TNS1: variants seen among roughly 807,000 people sequenced by gnomAD.
The protein encoded by TNS1 is tensin 1, also known as tensin-1.
TNS1 carries 62 observed loss-of-function variants against 168.6 expected under a neutral mutation model. The observed-to-expected ratio is 0.37, with a 90% confidence interval of 0.30 to 0.45. The LOEUF is 0.45. TNS1 is among the 20% of genes least tolerant of loss of function. The pLI is 1.00. For synonymous variants in TNS1, 934 were observed against 933.2 expected, an observed-to-expected ratio of 1.00 and a Z score of -0.02; for missense variants, 2,240 against 2,339.4, an observed-to-expected ratio of 0.96 and a Z score of 0.88.
At chr2:217,999,009 G>A (rs551537432) in intron 1 of TNS1, among the ~76,000 whole-genome samples, 2 of 152,170 alleles carry the variant, frequency 1.3e-5, no homozygotes, top group Non-Finnish European at 2.9e-5. Flanking sequence ...GGAAAGCTGC[G>A]TGGGGGGTGT....
rs1408179174 is a variant in TNS1 at position 217,900,364 on chromosome 2, G to C, written c.371+99C>G. 5.1e-6 allele frequency: 7 copies of C among 1,372,952 alleles called. No homozygotes were observed. The Admixed American group carries it at 1.5e-4, about 29-fold the overall frequency. The allele number at this position is 1,372,952 out of a possible 1,614,324, so 85.0% of individuals were successfully genotyped here. ...CACACTCCCCACCCGTGGCTTTATG[G>C]CTGCAGTCCGGGGGACCCAGAGGCA... is the stretch of plus-strand genomic sequence containing the variant. On this transcript the variant is annotated intron_variant, in intron 7 of 32. Coordinates refer to ENST00000682258, the MANE Select transcript of TNS1 (RefSeq NM_001387777.1).
chr2:218,017,872 G>A (rs1958775837), intron 1 of TNS1, among the ~76,000 whole-genome samples: 1 of 152,074 alleles, frequency 6.6e-6, no homozygotes, highest in South Asian at 2.1e-4. Flanking sequence ...ACACCCACTA[G>A]ACAGACGCTC....
In TNS1 at chr2:217,957,730, T is replaced by A. The variant is rs573021891; in HGVS notation, c.186+21035A>T. Among the ~76,000 whole-genome samples the A allele has an allele frequency of 2.6e-5, 4 of 151,344 alleles. No individual in the cohort carries two copies. In the South Asian group the frequency reaches 8.4e-4, roughly 32 times the overall value. The stretch of plus-strand genomic sequence containing the variant: ...TTATTAATGATGTTAACTGTGATAA[T>A]GGTATTATGGTAATGTTAAAATAAA... On this transcript the variant is annotated intron_variant, in intron 3 of 32. Coordinates refer to ENST00000682258, the MANE Select transcript of TNS1 (RefSeq NM_001387777.1).
chr2:217,828,824 C>T (rs535084137), intron 22 of TNS1, among the ~76,000 whole-genome samples: 20 of 152,332 alleles, frequency 1.3e-4, no homozygotes, highest in Admixed American at 6.5e-4. Context: ...TCCTGAAACA[C>T]GCGAAGTTGT....
intron 32 of TNS1, among the ~76,000 whole-genome samples, chr2:217,805,813 C>T (rs1938898170): frequency 6.7e-6 from 1 of 148,846 alleles, no homozygotes; most frequent in African/African-American, 2.5e-5. Context: ...TGCATACATA[C>T]ATATACAGAC....
intron 23 of TNS1, among the ~76,000 whole-genome samples, chr2:217,820,907 C>T (rs1378827617): frequency 6.6e-6 from 1 of 152,162 alleles, no homozygotes; most frequent in Non-Finnish European, 1.5e-5. Context: ...CCAGGCATCC[C>T]CTAATGGCAG....
intron 3 of TNS1, among the ~76,000 whole-genome samples, chr2:217,928,437 C>T (rs1036753796): frequency 3.9e-5 from 6 of 152,194 alleles, no homozygotes; most frequent in African/African-American, 1.4e-4. Context: ...TGTTTCCTTC[C>T]CTTTTATAGA....
intron 19 of TNS1, among the ~76,000 whole-genome samples, chr2:217,839,586 G>A (rs925427266): frequency 2.6e-5 from 4 of 151,998 alleles, no homozygotes; most frequent in African/African-American, 7.3e-5. Flanking sequence ...ACGCACACTC[G>A]CACACCCTGC....
At position 217,961,173 on chromosome 2, in the gene TNS1, C is replaced by T. The variant is rs144558885; in HGVS notation, c.186+17592G>A. 7.2e-3 allele frequency among the ~76,000 whole-genome samples: 1,090 copies of T among 151,916 alleles called. 4 individuals carry two copies. The highest frequency in any genetic ancestry group is 0.012 in the Non-Finnish European group (810 of 67,970). On this transcript the variant is annotated intron_variant, in intron 3 of 32. Transcript: ENST00000682258. ...CCAGTTAGGGAGCCCTGCTCAGTGG[C>T]TTTCGATTCAAATCCCAGAGGGTTT... is the stretch of plus-strand genomic sequence containing the variant.
rs1442181916 is a variant in TNS1 at position 218,029,005 on chromosome 2, AGGAG to A, written c.156+4811_156+4814del. ...CCTGGGCAAGTTCATACATCAAACG[AGGAG>A]GCAGTGGCTGGCTTCTTTCCCTTCC... On this transcript the variant is annotated intron_variant, in intron 1 of 1. Transcript: ENST00000649572. Among the ~76,000 whole-genome samples, 13 of 152,348 alleles carry A rather than the reference AGGAG, an allele frequency of 8.5e-5. No individual in the cohort carries two copies. In the East Asian group the frequency reaches 2.1e-3, roughly 25 times the overall value.
chr2:217,854,382 T>C (rs2125485288), intron 18 of TNS1, among the ~76,000 whole-genome samples: 1 of 152,272 alleles, frequency 6.6e-6, no homozygotes, highest in African/African-American at 2.4e-5. Flanking sequence ...GACCAGCAGG[T>C]AGGTTTTGAA....
At chr2:217,960,495 G>A (rs774942006) in intron 3 of TNS1, among the ~76,000 whole-genome samples, 1 of 152,116 alleles carries the variant, frequency 6.6e-6, no homozygotes, top group Non-Finnish European at 1.5e-5. Flanking sequence ...CAGGGGGCAT[G>A]TGAGAACAGA....
At chr2:217,856,803 C>T (rs1410549134) in intron 18 of TNS1, among the ~76,000 whole-genome samples, 3 of 152,172 alleles carry the variant, frequency 2.0e-5, no homozygotes, top group South Asian at 2.1e-4. Flanking sequence ...AAATAGACAC[C>T]TGTTTTTCTT....
chr2:217,976,163 T>G (rs931289904), intron 3 of TNS1, among the ~76,000 whole-genome samples: 11 of 152,128 alleles, frequency 7.2e-5, no homozygotes, highest in African/African-American at 2.4e-4. Flanking sequence ...CCTTCAAAAC[T>G]TGTTTGCCTA....
At chr2:217,972,149 A>G (rs1957786591) in intron 3 of TNS1, among the ~76,000 whole-genome samples, 1 of 152,238 alleles carries the variant, frequency 6.6e-6, no homozygotes, top group Non-Finnish European at 1.5e-5. Flanking sequence ...CAAGAGCTCT[A>G]CAAGATAAGT....
chr2:217,926,724 C>T (rs1004958841), intron 3 of TNS1, among the ~76,000 whole-genome samples: 5 of 152,224 alleles, frequency 3.3e-5, no homozygotes, highest in African/African-American at 1.2e-4. Context: ...TTTGTGTATA[C>T]ATCGCTTCAC....
intron 1 of TNS1, among the ~76,000 whole-genome samples, chr2:217,996,032 G>A (rs1958463009): frequency 6.6e-6 from 1 of 152,172 alleles, no homozygotes; most frequent in African/African-American, 2.4e-5. Flanking sequence ...AGAGTCCTTG[G>A]CCCTGGGGTG....
At chr2:217,875,847 C>A (rs1057214695) in intron 18 of TNS1, among the ~76,000 whole-genome samples, 1 of 152,138 alleles carries the variant, frequency 6.6e-6, no homozygotes, top group African/African-American at 2.4e-5. Flanking sequence ...GGCACAAAAC[C>A]AAGGCCCCCT....
rs540106940 is a variant in TNS1 at position 217,878,977 on chromosome 2, C to T, written c.1429+1921G>A. Among the ~76,000 whole-genome samples, 26 of 152,266 alleles carry T rather than the reference C, an allele frequency of 1.7e-4. 1 individual carries two copies. The highest frequency in any genetic ancestry group is 6.0e-4 in the African/African-American group (25 of 41,540). Reference sequence around the variant, plus strand: ...AGACAGAGGGATGGAACCAGCAGGACCTTTTGGTCAGTTAAAGGTCAGCTC... The same window carrying T: ...AGACAGAGGGATGGAACCAGCAGGATCTTTTGGTCAGTTAAAGGTCAGCTC... On this transcript the variant is annotated intron_variant, in intron 18 of 32. Transcript: ENST00000682258.
Sources: gnomAD v4.1 joint callset for allele counts (sites outside exome capture counted in the v4.1 genomes callset) on GRCh38, gnomAD v4.1.1 for gene constraint, MANE v1.5 for transcripts, NCBI Gene and HGNC (gene_info 2026-07-23, HGNC 2026-07-21) for gene names.